CALN1: variants seen among roughly 807,000 people sequenced by gnomAD.
The protein encoded by CALN1 is calcium-binding protein 8.
CALN1 carries 17 observed loss-of-function variants against 30.6 expected under a neutral mutation model. That is an observed-to-expected ratio of 0.56 (90% CI 0.38 to 0.83). The LOEUF is 0.83. Ranked by LOEUF, CALN1 falls within the 40% of genes least tolerant of loss-of-function variation. CALN1 has a pLI of 0.00. For missense variants in CALN1, 291 were observed against 354.9 expected, an observed-to-expected ratio of 0.82 and a Z score of 1.45; for synonymous variants, 156 against 131.4, an observed-to-expected ratio of 1.19 and a Z score of -1.28.
chr7:72,337,838 G>A (rs1445205358), intron 2 of CALN1: 2 of 152,336 alleles, frequency 1.3e-5, no homozygotes, highest in South Asian at 2.1e-4. Context: ...TTCTTCCAAG[G>A]TCATAGAATG....
chr7:72,376,204 T>G (rs1224427178), intron 2 of CALN1, among the ~76,000 whole-genome samples: 2 of 152,230 alleles, frequency 1.3e-5, no homozygotes, highest in Non-Finnish European at 2.9e-5. Flanking sequence ...CTACAAGCAT[T>G]TATATACAAG....
intron 2 of CALN1, among the ~76,000 whole-genome samples, chr7:72,323,409 CT>C (rs1801032174): frequency 2.6e-5 from 4 of 152,168 alleles, no homozygotes; most frequent in Admixed American, 1.3e-4. Flanking sequence ...GTGGCTGCAG[CT>C]TGTTGGAAAT....
intron 5 of CALN1, among the ~76,000 whole-genome samples, chr7:71,911,494 G>A (rs563723587): frequency 3.2e-4 from 48 of 152,166 alleles, no homozygotes; most frequent in Non-Finnish European, 5.6e-4. Context: ...CTTAGTACTC[G>A]AGAGGCAGAA....
At chr7:72,288,363 G>C (rs555843787) in intron 2 of CALN1, among the ~76,000 whole-genome samples, 114 of 152,274 alleles carry the variant, frequency 7.5e-4, no homozygotes, top group African/African-American at 2.5e-3. Flanking sequence ...ATCACCCCAA[G>C]CAAGTGATCA....
At chr7:72,336,697 C>CGGG in intron 2 of CALN1, 1 of 985,542 alleles carries the variant, frequency 1.0e-6, no homozygotes, top group African/African-American at 1.7e-5. Context: ...CCGGCGGCGG[C>CGGG]ACTCACCTCT....
At chr7:71,990,069 G>A (rs1441687415) in intron 5 of CALN1, among the ~76,000 whole-genome samples, 2 of 152,132 alleles carry the variant, frequency 1.3e-5, no homozygotes, top group African/African-American at 2.4e-5. Context: ...TAAGTCACAG[G>A]ATGAGATTGG....
upstream of CALN1, among the ~76,000 whole-genome samples, chr7:72,415,448 A>AT (rs1807392679): frequency 2.0e-5 from 3 of 152,214 alleles, no homozygotes; most frequent in Non-Finnish European, 4.4e-5. Context: ...TGTTGCTATG[A>AT]GTGAGTATGG....
At chr7:72,180,762 CG>C (rs978179791) in intron 3 of CALN1, among the ~76,000 whole-genome samples, 1 of 151,586 alleles carries the variant, frequency 6.6e-6, no homozygotes, top group African/African-American at 2.4e-5. Context: ...CCTACCACGC[CG>C]GGCTTGTTTA....
the CALN1 span, among the ~76,000 whole-genome samples, chr7:72,501,324 G>A: frequency 8.2e-6 from 1 of 121,418 alleles, no homozygotes; most frequent in African/African-American, 3.2e-5. Context: ...CTTGAGACCA[G>A]GAGTTCAAAA....
intron 2 of CALN1, chr7:72,336,807 G>A (rs963036388): frequency 2.0e-6 from 2 of 984,888 alleles, no homozygotes; most frequent in African/African-American, 3.5e-5. Flanking sequence ...CGGAATGGAT[G>A]CGCCGAGCGG....
At chr7:71,920,169 G>A (rs959197417) in intron 5 of CALN1, among the ~76,000 whole-genome samples, 1 of 152,088 alleles carries the variant, frequency 6.6e-6, no homozygotes, top group Non-Finnish European at 1.5e-5. Context: ...ATCCAAGGAA[G>A]AGTTTTGGAA....
the CALN1 span, among the ~76,000 whole-genome samples, chr7:72,493,388 G>C: frequency 1.3e-5 from 2 of 151,662 alleles, no homozygotes; most frequent in African/African-American, 4.9e-5. Flanking sequence ...ACCCGGGCTG[G>C]AGTGCAGTGG....
intron 5 of CALN1, among the ~76,000 whole-genome samples, chr7:71,885,611 TA>T (rs1792855716): frequency 6.6e-6 from 1 of 152,254 alleles, no homozygotes; most frequent in Admixed American, 6.5e-5. Context: ...TCTAATATTT[TA>T]CAGAGTTTGA....
Position 71,799,928 on chromosome 7 carries a change from T to C in CALN1, c.658+10408A>G, listed in dbSNP as rs562902323. Among the ~76,000 whole-genome samples the C allele has an allele frequency of 1.6e-4, 25 of 152,338 alleles. No homozygotes were observed. The South Asian group carries it at 5.0e-3, about 30-fold the overall frequency. ...CCACTGGCTACTGACCTCAGCTCCT[T>C]AACCTCCTATGTCTACCCAAGGAGA... On this transcript the variant is annotated intron_variant, in intron 6 of 6. Transcript: ENST00000395275.
chr7:71,853,468 G>A (rs188268048), intron 5 of CALN1, among the ~76,000 whole-genome samples: 12 of 151,604 alleles, frequency 7.9e-5, no homozygotes, highest in Admixed American at 1.3e-4. Flanking sequence ...AAATCTCTCC[G>A]CAATTTTAAA....
chr7:72,121,214 A>G (rs1321885506), intron 3 of CALN1, among the ~76,000 whole-genome samples: 2 of 143,900 alleles, frequency 1.4e-5, no homozygotes, highest in Non-Finnish European at 3.0e-5. Context: ...ATTCCATATT[A>G]TGTATTATAT....
intron 5 of CALN1, among the ~76,000 whole-genome samples, chr7:71,829,995 A>G (rs2116401957): frequency 1.3e-5 from 2 of 148,728 alleles, no homozygotes; most frequent in South Asian, 4.3e-4. Flanking sequence ...CTCTCTCTCC[A>G]TCTTTTTCTA....
At chr7:72,386,458 T>C (rs950937830) in intron 2 of CALN1, among the ~76,000 whole-genome samples, 5 of 152,168 alleles carry the variant, frequency 3.3e-5, no homozygotes, top group Admixed American at 1.3e-4. Context: ...TATGGGTAAA[T>C]TGGTTAACAA....
chr7:72,231,792 C>A (rs909078625), intron 3 of CALN1, among the ~76,000 whole-genome samples: 5 of 152,154 alleles, frequency 3.3e-5, no homozygotes, highest in Non-Finnish European at 1.5e-5. Context: ...ATAACCCCAC[C>A]CTTACTGTAC....
Sources: gnomAD v4.1 joint callset for allele counts (sites outside exome capture counted in the v4.1 genomes callset) on GRCh38, gnomAD v4.1.1 for gene constraint, MANE v1.5 for transcripts, NCBI Gene and HGNC (gene_info 2026-07-23, HGNC 2026-07-21) for gene names.